Variants in TNR observed in about 807,000 individuals in gnomAD.
TNR encodes tenascin-R.
A neutral mutation model predicts 150.4 loss-of-function variants in TNR; 45 were observed. The ratio of observed to expected loss-of-function variants is 0.30; its 90% CI spans 0.24 to 0.38. The LOEUF is 0.38. Ranked by LOEUF, TNR falls within the 10% of genes least tolerant of loss-of-function variation. TNR has a pLI of 1.00. For missense variants in TNR, 1,544 were observed against 1,759.1 expected, an observed-to-expected ratio of 0.88 and a Z score of 2.19; for synonymous variants, 687 against 678.4, an observed-to-expected ratio of 1.01 and a Z score of -0.20.
intron 1 of TNR, among the ~76,000 whole-genome samples, chr1:175,570,917 C>T (rs1661841917): frequency 6.6e-6 from 1 of 152,116 alleles, no homozygotes. Context: ...TCATTGGAGG[C>T]TACTCCTCCT....
intron 1 of TNR, among the ~76,000 whole-genome samples, chr1:175,728,120 C>A (rs1382241792): frequency 2.0e-5 from 3 of 152,062 alleles, no homozygotes; most frequent in Admixed American, 6.6e-5. Context: ...CAGATGAGTA[C>A]AAGAAAAGAA....
intron 1 of TNR, among the ~76,000 whole-genome samples, chr1:175,593,165 G>A (rs988110268): frequency 3.9e-5 from 6 of 152,194 alleles, no homozygotes; most frequent in African/African-American, 1.4e-4. Flanking sequence ...GGCAGCAGGT[G>A]TAGGGAACTC....
intron 1 of TNR, among the ~76,000 whole-genome samples, chr1:175,697,159 G>C (rs1666555686): frequency 6.7e-6 from 1 of 148,634 alleles, no homozygotes; most frequent in Non-Finnish European, 1.5e-5. Context: ...AGTCAGGCTT[G>C]AGAAGAGCTT....
chr1:175,482,014 G>A (rs16848499), intron 2 of TNR, among the ~76,000 whole-genome samples: 3 of 152,018 alleles, frequency 2.0e-5, no homozygotes, highest in Non-Finnish European at 4.4e-5. Flanking sequence ...ACCCTGCCTC[G>A]TGTTGTCACA....
At chr1:175,621,218 G>T (rs1163000097) in intron 1 of TNR, among the ~76,000 whole-genome samples, 1 of 152,174 alleles carries the variant, frequency 6.6e-6, no homozygotes, top group Non-Finnish European at 1.5e-5. Flanking sequence ...TAGGACCCCT[G>T]CTCATCTCAC....
intron 2 of TNR, among the ~76,000 whole-genome samples, chr1:175,440,989 C>T (rs1400508801): frequency 6.6e-6 from 1 of 152,074 alleles, no homozygotes; most frequent in Non-Finnish European, 1.5e-5. Flanking sequence ...TAAAGGCAAG[C>T]TGATTGGTAG....
chr1:175,441,982 C>T (rs1167983073), intron 2 of TNR, among the ~76,000 whole-genome samples: 1 of 152,112 alleles, frequency 6.6e-6, no homozygotes, highest in Non-Finnish European at 1.5e-5. Flanking sequence ...GAAGTCTTCC[C>T]AACCTGAAGC....
chr1:175,489,666 C>G (rs1025451333), intron 2 of TNR, among the ~76,000 whole-genome samples: 1 of 152,168 alleles, frequency 6.6e-6, no homozygotes, highest in African/African-American at 2.4e-5. Flanking sequence ...ATGGTGATAG[C>G]AAGCTGAATG....
At chr1:175,481,472 T>A (rs704817) in intron 2 of TNR, among the ~76,000 whole-genome samples, 103,303 of 151,898 alleles carry the variant, frequency 0.68, 36,305 homozygotes, top group African/African-American at 0.87. Flanking sequence ...AGGAATTTTC[T>A]GGTACAGACA....
At chr1:175,720,449 T>C (rs896220494) in intron 1 of TNR, among the ~76,000 whole-genome samples, 6 of 152,230 alleles carry the variant, frequency 3.9e-5, no homozygotes, top group Non-Finnish European at 2.9e-5. Context: ...ATGGCAGCCT[T>C]AGCTGACTAA....
chr1:175,579,897 G>T (rs1364786227), intron 1 of TNR, among the ~76,000 whole-genome samples: 5 of 151,916 alleles, frequency 3.3e-5, no homozygotes, highest in Non-Finnish European at 5.9e-5. Context: ...CTTTCAGCGG[G>T]GTGGCTTCAG....
intron 1 of TNR, among the ~76,000 whole-genome samples, chr1:175,639,617 C>A (rs986920206): frequency 2.6e-5 from 4 of 152,190 alleles, no homozygotes; most frequent in African/African-American, 7.2e-5. Context: ...TGCTCAAAAA[C>A]CTTTAGTGTC....
intron 1 of TNR, among the ~76,000 whole-genome samples, chr1:175,686,413 G>A (rs115776488): frequency 0.014 from 2,194 of 152,310 alleles, 24 homozygotes; most frequent in African/African-American, 0.016. Context: ...TGAAGACTGC[G>A]TATAGATGAA....
intron 1 of TNR, among the ~76,000 whole-genome samples, chr1:175,632,954 G>A (rs1664377693): frequency 6.6e-6 from 1 of 152,172 alleles, no homozygotes; most frequent in African/African-American, 2.4e-5. Flanking sequence ...AGTCTTTGGT[G>A]GAGTTCTTGG....
chr1:175,563,364 A>G (rs546132988), intron 1 of TNR, among the ~76,000 whole-genome samples: 11 of 152,372 alleles, frequency 7.2e-5, no homozygotes, highest in African/African-American at 2.6e-4. Flanking sequence ...TTTCTGGACA[A>G]GATCCATCAA....
chr1:175,721,891 C>G (rs1025319300), intron 1 of TNR, among the ~76,000 whole-genome samples: 6 of 148,512 alleles, frequency 4.0e-5, no homozygotes, highest in Admixed American at 2.0e-4. Context: ...ATGTGCTTCC[C>G]CTCTCTTGCA....
chr1:175,412,891 CACTT>C (rs1654275085), intron 2 of TNR, among the ~76,000 whole-genome samples: 1 of 152,190 alleles, frequency 6.6e-6, no homozygotes, highest in African/African-American at 2.4e-5. Context: ...AAGCTCATGT[CACTT>C]AATTATTTCA....
chr1:175,359,846 AAAG>A (rs1651512594), intron 14 of TNR, 115 bp from the exon 15 acceptor site: 1 of 1,331,612 alleles, frequency 7.5e-7, no homozygotes, highest in African/African-American at 1.5e-5. Flanking sequence ...TCTACAAAAC[AAAG>A]AAGTGAGCAG....
intron 1 of TNR, among the ~76,000 whole-genome samples, chr1:175,664,986 G>A (rs1665492512): frequency 6.6e-6 from 1 of 152,192 alleles, no homozygotes; most frequent in Non-Finnish European, 1.5e-5. Context: ...TCAAAAGGAT[G>A]ACAGAATCTG....
Sources: gnomAD v4.1 joint callset for allele counts (sites outside exome capture counted in the v4.1 genomes callset) on GRCh38, gnomAD v4.1.1 for gene constraint, MANE v1.5 for transcripts, NCBI Gene and HGNC (gene_info 2026-07-23, HGNC 2026-07-21) for gene names.